The following AVEN variants were observed in gnomAD, a reference collection of about 807,000 sequenced individuals.
The protein encoded by AVEN is cell death regulator Aven.
A neutral mutation model predicts 38.1 loss-of-function variants in AVEN; 41 were observed. The observed-to-expected ratio is 1.08, with a 90% confidence interval of 0.84 to 1.40. AVEN has a LOEUF of 1.40. Among genes scored for constraint, AVEN ranks in the 40% most tolerant of loss-of-function variants. The probability of loss-of-function intolerance (pLI) is 0.00; values close to 1 mark genes in which losing one functional copy is unlikely to be tolerated. For missense variants in AVEN, 605 were observed against 438.8 expected, an observed-to-expected ratio of 1.38 and a Z score of -3.38; for synonymous variants, 206 against 171.8, an observed-to-expected ratio of 1.20 and a Z score of -1.56.
At chr15:33,897,762 G>A (rs1404461340) in intron 2 of AVEN, among the ~76,000 whole-genome samples, 1 of 152,084 alleles carries the variant, frequency 6.6e-6, no homozygotes, top group Non-Finnish European at 1.5e-5. Context: ...TGCACCTACA[G>A]TCTTAGCTAC....
At chr15:33,853,593 C>G in the AVEN span, 2 of 1,613,984 alleles carry the variant, frequency 1.2e-6, no homozygotes, top group Non-Finnish European at 1.7e-6. Flanking sequence ...GAGCAGAACG[C>G]ATTGCTGAAC....
At chr15:33,949,110 G>C (rs2702312) in intron 2 of AVEN, among the ~76,000 whole-genome samples, 9 of 152,080 alleles carry the variant, frequency 5.9e-5, no homozygotes, top group African/African-American at 1.9e-4. Context: ...TGCAACCTCC[G>C]CTTCCCAGGT....
downstream of AVEN, among the ~76,000 whole-genome samples, chr15:33,862,327 G>C (rs1273936517): frequency 6.6e-6 from 1 of 151,938 alleles, no homozygotes; most frequent in African/African-American, 2.4e-5. Flanking sequence ...ATCCGCCTCA[G>C]CCTCCTGAGT....
intron 2 of AVEN, among the ~76,000 whole-genome samples, chr15:33,898,955 G>A (rs150767171): frequency 1.8e-3 from 270 of 152,268 alleles, no homozygotes; most frequent in African/African-American, 5.9e-3. Flanking sequence ...AGGACATTCC[G>A]AGTAAAGGGG....
At chr15:34,041,640 G>A (rs1899480589), upstream of AVEN, among the ~76,000 whole-genome samples, 1 of 152,188 alleles carries the variant, frequency 6.6e-6, no homozygotes, top group African/African-American at 2.4e-5. Context: ...CCATTTTAGA[G>A]AGAGATTGGT....
At chr15:33,968,649 G>A (rs1895491550) in intron 2 of AVEN, 1 of 152,124 alleles carries the variant, frequency 6.6e-6, no homozygotes, top group Non-Finnish European at 1.5e-5. Flanking sequence ...CTACAGAAAG[G>A]AAGCTGATGG....
chr15:33,983,175 TATACACAC>T (rs778961951), intron 2 of AVEN, among the ~76,000 whole-genome samples: 146 of 124,276 alleles, frequency 1.2e-3, no homozygotes, highest in East Asian at 3.4e-3. Context: ...TGTGTGTATA[TATACACAC>T]GTGTGTGTAT....
At chr15:33,877,643 C>G (rs777031738) in intron 2 of AVEN, among the ~76,000 whole-genome samples, 8 of 152,112 alleles carry the variant, frequency 5.3e-5, no homozygotes, top group Non-Finnish European at 7.4e-5. Context: ...GGTGAAACCT[C>G]ATCTCTACTA....
intron 5 of AVEN, among the ~76,000 whole-genome samples, chr15:34,052,264 T>C (rs1422292442): frequency 1.3e-5 from 2 of 152,178 alleles, no homozygotes; most frequent in African/African-American, 2.4e-5. Context: ...ATTATCTCCA[T>C]AGATGCAGAA....
intron 1 of AVEN, among the ~76,000 whole-genome samples, chr15:34,026,184 AT>A (rs989807922): frequency 2.1e-4 from 32 of 149,730 alleles, no homozygotes; most frequent in Admixed American, 4.0e-4. Flanking sequence ...ACATATTGTC[AT>A]TTTTTTTTTA....
chr15:33,911,124 TA>T (rs1892901624), intron 2 of AVEN, among the ~76,000 whole-genome samples: 1 of 152,174 alleles, frequency 6.6e-6, no homozygotes, highest in Non-Finnish European at 1.5e-5. Context: ...AAATGTTCCT[TA>T]TTCCTCTCAA....
Position 33,872,455 on chromosome 15 carries a change from C to G in AVEN, c.517-1425G>C, listed in dbSNP as rs115534121. 3.7e-3 allele frequency among the ~76,000 whole-genome samples: 570 copies of G among 152,268 alleles called. 2 individuals carry two copies. Among genetic ancestry groups the G allele is most frequent in the African/African-American group, 0.013 (551 of 41,544 alleles). ...TCCATATGAGCCTGGGGCCCAGAGACCATGTGTACATGGTATGGTGGAGTA... is the reference window on the plus strand; with the variant it reads ...TCCATATGAGCCTGGGGCCCAGAGAGCATGTGTACATGGTATGGTGGAGTA... On this transcript the variant is annotated intron_variant, in intron 3 of 5. Coordinates refer to ENST00000306730, the MANE Select transcript of AVEN (RefSeq NM_020371.3).
intron 1 of AVEN, among the ~76,000 whole-genome samples, chr15:34,015,574 AAACT>A (rs1897861076): frequency 1.3e-5 from 2 of 152,252 alleles, no homozygotes; most frequent in Admixed American, 6.5e-5. Context: ...TTGGGAAATT[AAACT>A]AACTAAAAAT....
At chr15:34,057,293 C>T (rs60064315) in intron 5 of AVEN, among the ~76,000 whole-genome samples, 16 of 124,294 alleles carry the variant, frequency 1.3e-4, no homozygotes, top group African/African-American at 4.8e-4. Flanking sequence ...CATGCCACCA[C>T]GCCCAGCTAA....
intron 2 of AVEN, among the ~76,000 whole-genome samples, chr15:33,895,607 G>A (rs1892202386): frequency 6.6e-6 from 1 of 152,016 alleles, no homozygotes; most frequent in Non-Finnish European, 1.5e-5. Context: ...TTACAGGCAT[G>A]AGCCACCACA....
At chr15:33,853,629 T>C in the AVEN span, 3 of 1,613,880 alleles carry the variant, frequency 1.9e-6, no homozygotes, top group African/African-American at 4.0e-5. Context: ...AAAATGCTCT[T>C]GACTTTAGCC....
intron 2 of AVEN, among the ~76,000 whole-genome samples, chr15:33,960,770 T>C (rs1458452789): frequency 6.6e-6 from 1 of 152,170 alleles, no homozygotes; most frequent in Non-Finnish European, 1.5e-5. Context: ...GATAACATTA[T>C]TCCTTGATAT....
rs1433063698 is a variant in AVEN at position 34,063,504 on chromosome 15, C to A, written n.1127-72G>T. 1.9e-6 allele frequency: 3 copies of A among 1,613,822 alleles called. No homozygotes were observed. The highest frequency in any genetic ancestry group is 1.7e-5 in the Admixed American group (1 of 60,024). On this transcript the variant is annotated intron_variant and non_coding_transcript_variant, in intron 4 of 11. Transcript: ENST00000675287. The surrounding 1 kb of genome is among the most constrained non-coding windows in gnomAD (Gnocchi z 4.1). ...GCGCTGTCCTCGACCCACCCTGGCC[C>A]AGCGGGAAAGGAACCAGGCCTCCTG...
chr15:33,933,763 A>G (rs966993562), intron 2 of AVEN, among the ~76,000 whole-genome samples: 1 of 152,194 alleles, frequency 6.6e-6, no homozygotes, highest in Non-Finnish European at 1.5e-5. Context: ...GTTCAAGACC[A>G]GCCTGGCCAA....
Sources: gnomAD v4.1 joint callset for allele counts (sites outside exome capture counted in the v4.1 genomes callset) on GRCh38, gnomAD v4.1.1 for gene constraint, Gnocchi (gnomAD v3.1) non-coding constraint, MANE v1.5 for transcripts, NCBI Gene and HGNC (gene_info 2026-07-23, HGNC 2026-07-21) for gene names.